The following XK variants were observed in gnomAD, a reference collection of about 807,000 sequenced individuals.
XK encodes the protein endoplasmic reticulum membrane adapter protein XK.
In XK, 2 loss-of-function variants were observed where a neutral mutation model predicts 14.0. The ratio of observed to expected loss-of-function variants is 0.14; its 90% CI spans 0.06 to 0.45. The LOEUF is 0.45. Among genes scored for constraint, XK ranks in the 20% least tolerant of loss-of-function variants. The pLI, the probability that XK is intolerant of heterozygous loss-of-function variation, is 0.98. For missense variants in XK, 235 were observed against 341.5 expected (o/e 0.69, Z 2.46); for synonymous variants, 149 against 147.5 (o/e 1.01, Z -0.08).
intron 2 of XK, among the ~76,000 whole-genome samples, chrX:37,706,974 C>G (rs1927538888): frequency 9.7e-6 from 1 of 102,654 alleles, no homozygotes; most frequent in Non-Finnish European, 2.2e-5. Flanking sequence ...CAACAGCATC[C>G]CAAGGCAGAA....
intron 2 of XK, among the ~76,000 whole-genome samples, chrX:37,707,269 C>A (rs1434724273): frequency 2.8e-5 from 3 of 109,055 alleles, no homozygotes; most frequent in Non-Finnish European, 5.8e-5. Flanking sequence ...GCTGACCCCC[C>A]ACCTCCCTCC....
At chrX:37,693,499 G>A (rs782225793) in intron 1 of XK, among the ~76,000 whole-genome samples, 1 of 110,444 alleles carries the variant, frequency 9.1e-6, no homozygotes, top group Non-Finnish European at 1.9e-5. Context: ...GTGTGTGTGT[G>A]TGTATGTACT....
Position 37,727,630 on chromosome X carries a change from C to G in XK, c.509-6C>G, listed in dbSNP as rs373845485. On this transcript the variant is annotated splice_region_variant and splice_polypyrimidine_tract_variant and intron_variant, in intron 2 of 2. Transcript: ENST00000378616. ...GACTTGATGATACTCTCTCTTTTCT[C>G]CCCAGGTCTCCTCATGACCATATCC... 2 of 1,201,135 alleles carry G rather than the reference C, an allele frequency of 1.7e-6. No homozygotes were observed. Among genetic ancestry groups the G allele is most frequent in the African/African-American group, 3.5e-5 (2 of 57,520 alleles).
intron 2 of XK, among the ~76,000 whole-genome samples, chrX:37,710,256 C>T (rs1381354049): frequency 4.5e-5 from 5 of 111,464 alleles, no homozygotes; most frequent in East Asian, 5.6e-4. Flanking sequence ...AATGAGAAGT[C>T]GAGGGTGTCA....
intron 2 of XK, among the ~76,000 whole-genome samples, chrX:37,725,344 G>A (rs1236907974): frequency 9.0e-6 from 1 of 111,699 alleles, no homozygotes; most frequent in Non-Finnish European, 1.9e-5. Flanking sequence ...AGATATATTA[G>A]CTTGACTATA....
chrX:37,723,521 G>A (rs184693929), intron 2 of XK, among the ~76,000 whole-genome samples: 74 of 111,128 alleles, frequency 6.7e-4, no homozygotes, highest in African/African-American at 2.3e-3. Flanking sequence ...AGGTTTCTGT[G>A]GTTGATTACT....
At chrX:37,703,525 G>C (rs781928494) in intron 2 of XK, among the ~76,000 whole-genome samples, 5 of 112,285 alleles carry the variant, frequency 4.5e-5, no homozygotes, top group African/African-American at 1.6e-4. Flanking sequence ...CTCAGCTAGA[G>C]ATGTGTACTT....
intron 1 of XK, 146 bp downstream of exon 1, chrX:37,686,352 A>G (rs1399188873): frequency 9.5e-7 from 1 of 1,056,303 alleles, no homozygotes; most frequent in Admixed American, 2.8e-5. Flanking sequence ...CCTCAGCCCC[A>G]TTATTCCAGT....
chrX:37,722,718 A>G (rs782402277), intron 2 of XK, among the ~76,000 whole-genome samples: 1 of 111,951 alleles, frequency 8.9e-6, no homozygotes, highest in East Asian at 2.8e-4. Context: ...TTCAATGTCT[A>G]CAGAGAGTAA....
chrX:37,712,534 G>A (rs1277293840), intron 2 of XK, among the ~76,000 whole-genome samples: 1 of 112,145 alleles, frequency 8.9e-6, no homozygotes, highest in East Asian at 2.8e-4. Context: ...AGTATGAAGG[G>A]AAATACACTG....
chrX:37,703,587 G>C, intron 2 of XK, among the ~76,000 whole-genome samples: 1 of 112,092 alleles, frequency 8.9e-6, no homozygotes, highest in South Asian at 3.7e-4. Context: ...TGGGTAAATA[G>C]GGTTCAGAGT....
In XK at chrX:37,728,996, T is replaced by C. The variant is rs1427436621; in HGVS notation, c.*534T>C. 8.5e-6 allele frequency: 1 copy of C among 117,066 alleles called. No individual in the cohort carries two copies. The highest frequency in any genetic ancestry group is 3.3e-5 in the African/African-American group (1 of 30,696). The allele number at this position is 117,066 out of a possible 1,213,427, so 9.6% of individuals were successfully genotyped here. On this transcript the variant is annotated 3_prime_UTR_variant, in exon 3 of 3. Coordinates refer to ENST00000378616, the MANE Select transcript of XK (RefSeq NM_021083.4). ...TGAATAGACAGAGGTTTCATTTTCA[T>C]CTCATTAGGGCTTTTTTGTACATAG...
At chrX:37,718,686 G>A (rs1927812418) in intron 2 of XK, among the ~76,000 whole-genome samples, 1 of 111,915 alleles carries the variant, frequency 8.9e-6, no homozygotes, top group African/African-American at 3.2e-5. Context: ...ACTCCCATAA[G>A]CAGTGTATGA....
intron 2 of XK, among the ~76,000 whole-genome samples, chrX:37,696,326 C>G (rs10284194): frequency 0.012 from 1,308 of 112,693 alleles, 22 homozygotes; most frequent in African/African-American, 0.041. Context: ...TATAATTTTT[C>G]AGACATAATT....
intron 2 of XK, among the ~76,000 whole-genome samples, chrX:37,720,727 A>G (rs979163663): frequency 4.5e-5 from 5 of 110,867 alleles, no homozygotes; most frequent in Non-Finnish European, 1.9e-5. Flanking sequence ...TTCACACTGT[A>G]TGTCCATGTG....
chrX:37,697,900 T>C (rs1006680488), intron 2 of XK, among the ~76,000 whole-genome samples: 1 of 112,246 alleles, frequency 8.9e-6, no homozygotes, highest in Admixed American at 9.4e-5. Flanking sequence ...GAATCTTTCA[T>C]ATCAGTGGAA....
chrX:37,728,203 A>G lies in XK; in HGVS notation c.1076A>G (p.Tyr359Cys). The change falls in exon 3 of 3, where the codon TAC (tyrosine) becomes TGC (cysteine). Residue 359 changes from tyrosine to cysteine, a missense_variant. Tyr to Cys is a radical substitution (Grantham distance 194, BLOSUM62 -2). Transcript: ENST00000378616. ...TTGGTCCTGCAGCTGCTCATTGGGT[A>G]CTGCACAGCCATTCTCTTCATGCTT... ...PLLVLQLLIGYCTAILFMLVF... is the reference protein window; with the variant it reads ...PLLVLQLLIGCCTAILFMLVF... 8.3e-7 allele frequency: 1 copy of G among 1,211,133 alleles called. No homozygotes were observed. Among genetic ancestry groups the G allele is most frequent in the Non-Finnish European group, 1.1e-6 (1 of 895,255 alleles).
chrX:37,728,323 G>C lies in XK; in HGVS notation c.1196G>C (p.Cys399Ser). Residue 399 changes from cysteine to serine, a missense_variant, in exon 3 of 3, where the codon TGC (cysteine) becomes TCC (serine). Cys to Ser is a moderately radical substitution (Grantham distance 112). Transcript: ENST00000378616. ...QRWLRCFCWACRQQKPCEPIG... is the reference protein window; with the variant it reads ...QRWLRCFCWASRQQKPCEPIG... Reference sequence around the variant, plus strand: ...TGGCTCAGGTGTTTTTGCTGGGCCTGCAGGCAGCAAAAACCCTGTGAGCCG... The same window carrying C: ...TGGCTCAGGTGTTTTTGCTGGGCCTCCAGGCAGCAAAAACCCTGTGAGCCG... 8.3e-7 allele frequency: 1 copy of C among 1,210,703 alleles called. No individual in the cohort carries two copies. Among genetic ancestry groups the C allele is most frequent in the Non-Finnish European group, 1.1e-6 (1 of 895,278 alleles).
chrX:37,723,827 A>G (rs1338333343), intron 2 of XK, among the ~76,000 whole-genome samples: 1 of 111,612 alleles, frequency 9.0e-6, no homozygotes, highest in Non-Finnish European at 1.9e-5. Flanking sequence ...TGAAAAAATG[A>G]TTTAATAATG....
Sources: gnomAD v4.1 joint callset for allele counts (sites outside exome capture counted in the v4.1 genomes callset) on GRCh38, gnomAD v4.1.1 for gene constraint, MANE v1.5 for transcripts, NCBI Gene and HGNC (gene_info 2026-07-23, HGNC 2026-07-21) for gene names.